DSCAML1: variants seen among roughly 807,000 people sequenced by gnomAD.
DSCAML1 encodes the protein DS cell adhesion molecule like 1.
In DSCAML1, 38 loss-of-function variants were observed where a neutral mutation model predicts 200.5. That is an observed-to-expected ratio of 0.19 (90% CI 0.15 to 0.25). The LOEUF is 0.25. Ranked by LOEUF, DSCAML1 falls within the 10% of genes least tolerant of loss-of-function variation. The pLI, the probability that DSCAML1 is intolerant of heterozygous loss-of-function variation, is 1.00. For synonymous variants in DSCAML1, 1,215 were observed against 1,165.0 expected (o/e 1.04, Z -0.87); for missense variants, 2,223 against 2,858.8 (o/e 0.78, Z 5.07).
chr11:117,777,068 C>A, intron 2 of DSCAML1, 131 bp from the exon 3 acceptor site: 1 of 984,846 alleles, frequency 1.0e-6, no homozygotes, highest in Non-Finnish European at 1.5e-6. Context: ...TTCCTTCCCC[C>A]ATCCTGCTTA....
intron 3 of DSCAML1, among the ~76,000 whole-genome samples, chr11:117,620,892 A>C (rs1405887034): frequency 6.6e-6 from 1 of 152,226 alleles, no homozygotes; most frequent in Non-Finnish European, 1.5e-5. Context: ...ACTGTGTAGA[A>C]AAATTGTGAG....
rs913048186 is a variant in DSCAML1, at chr11:117,698,925, C to T, written c.511+77866G>A. ...TGCCCCATCCAACTAGTTTTGCCAA[C>T]GCACATGACACTTACGCACAACACC... On this transcript the variant is annotated intron_variant, in intron 3 of 32. Coordinates refer to ENST00000651296, the MANE Select transcript of DSCAML1 (RefSeq NM_020693.4). 4.6e-5 allele frequency among the ~76,000 whole-genome samples: 7 copies of T among 152,326 alleles called. No individual in the cohort carries two copies. In the East Asian group the frequency reaches 5.8e-4, roughly 13 times the overall value.
chr11:117,508,871 A>C (rs932657842), intron 8 of DSCAML1, among the ~76,000 whole-genome samples: 1 of 152,168 alleles, frequency 6.6e-6, no homozygotes, highest in Non-Finnish European at 1.5e-5. Flanking sequence ...GGATAGAGAC[A>C]TAGTGAAATC....
chr11:117,609,041 A>C (rs1019331322), intron 3 of DSCAML1, among the ~76,000 whole-genome samples: 83 of 151,312 alleles, frequency 5.5e-4, no homozygotes, highest in African/African-American at 1.9e-3. Flanking sequence ...CAAACAAAAA[A>C]AACAAAAATT....
At chr11:117,610,849 C>CT (rs1332909497) in intron 3 of DSCAML1, among the ~76,000 whole-genome samples, 3 of 148,496 alleles carry the variant, frequency 2.0e-5, no homozygotes, top group African/African-American at 2.5e-5. Flanking sequence ...AACCCCCCCC[C>CT]CCCACAATGT....
Position 117,428,258 on chromosome 11 carries a change from A to G in DSCAML1, c.*70T>C, listed in dbSNP as rs2047700046. 1 of 914,314 alleles carries G rather than the reference A, an allele frequency of 1.1e-6. No homozygotes were observed. The highest frequency in any genetic ancestry group is 3.0e-4 in the Middle Eastern group (1 of 3,300). 56.6% of individuals were successfully genotyped at this position (914,314 alleles called of 1,614,324 possible). A position where few individuals can be genotyped will look rare whatever the true frequency, so the allele number is the denominator to read the frequency against. ...GTCAGTTGAATATAAATAATGCAGA[A>G]AAACAGCCGAGCTGGCGTGTGGGGC... is the stretch of plus-strand genomic sequence containing the variant. On this transcript the variant is annotated 3_prime_UTR_variant, in exon 33 of 33. Coordinates refer to ENST00000651296, the MANE Select transcript of DSCAML1 (RefSeq NM_020693.4).
At chr11:117,804,485 T>C (rs1692498178) in intron 1 of DSCAML1, among the ~76,000 whole-genome samples, 1 of 152,206 alleles carries the variant, frequency 6.6e-6, no homozygotes, top group Non-Finnish European at 1.5e-5. Flanking sequence ...ATGTGCCCAA[T>C]CTGGACAAAA....
chr11:117,644,154 C>T (rs368152501), intron 3 of DSCAML1, among the ~76,000 whole-genome samples: 1 of 152,208 alleles, frequency 6.6e-6, no homozygotes, highest in Non-Finnish European at 1.5e-5. Flanking sequence ...CCCCTTGACT[C>T]GGGCGCTTCC....
intron 11 of DSCAML1, among the ~76,000 whole-genome samples, chr11:117,492,442 T>TCTG: frequency 9.9e-5 from 15 of 152,182 alleles, no homozygotes; most frequent in African/African-American, 3.4e-4. Context: ...GGACAGCAGG[T>TCTG]ACCCTGAAGC....
At chr11:117,591,668 C>T (rs1050895718) in intron 3 of DSCAML1, among the ~76,000 whole-genome samples, 6 of 152,168 alleles carry the variant, frequency 3.9e-5, no homozygotes, top group African/African-American at 9.7e-5. Flanking sequence ...TAAATTATCC[C>T]GGCGCTCTGA....
In DSCAML1 at chr11:117,559,626, C is replaced by G. The variant is rs187700289; in HGVS notation, c.512-27104G>C. Among the ~76,000 whole-genome samples, 532 of 152,240 alleles carry G rather than the reference C, an allele frequency of 3.5e-3. 10 individuals carry two copies. Among genetic ancestry groups the G allele is most frequent in the Non-Finnish European group, 5.4e-4 (37 of 68,024 alleles). ...CCCGCAATACGTGCCTTTTATCCCC[C>G]CTCTCGTTGCAAATCTCAGCATCAG... On this transcript the variant is annotated intron_variant, in intron 3 of 32. Transcript: ENST00000651296.
intron 3 of DSCAML1, among the ~76,000 whole-genome samples, chr11:117,633,247 G>C (rs998326960): frequency 1.3e-5 from 2 of 152,178 alleles, no homozygotes; most frequent in Non-Finnish European, 2.9e-5. Flanking sequence ...CTCTCTGTGG[G>C]AACCTGGGCA....
intron 3 of DSCAML1, among the ~76,000 whole-genome samples, chr11:117,705,492 T>C (rs1184305428): frequency 1.3e-5 from 2 of 152,200 alleles, no homozygotes; most frequent in Non-Finnish European, 2.9e-5. Context: ...ACACATTCTG[T>C]ACAGTAGATA....
chr11:117,605,174 G>A (rs1027416918), intron 3 of DSCAML1, among the ~76,000 whole-genome samples: 9 of 152,070 alleles, frequency 5.9e-5, no homozygotes, highest in Admixed American at 5.2e-4. Context: ...GACTACAGGT[G>A]CACGCCACCA....
At chr11:117,728,729 A>G (rs1053016531) in intron 3 of DSCAML1, among the ~76,000 whole-genome samples, 6 of 152,214 alleles carry the variant, frequency 3.9e-5, no homozygotes, top group Non-Finnish European at 5.9e-5. Context: ...AATAATTTTA[A>G]GAAAAATGTG....
At chr11:117,677,038 CT>C (rs906334548) in intron 3 of DSCAML1, among the ~76,000 whole-genome samples, 3 of 152,186 alleles carry the variant, frequency 2.0e-5, no homozygotes, top group African/African-American at 7.2e-5. Flanking sequence ...TTTCATCTTG[CT>C]GGGTGGTGGT....
rs368325050 is a variant in DSCAML1 at position 117,664,893 on chromosome 11, C to T, written c.511+111898G>A. 3.1e-4 allele frequency among the ~76,000 whole-genome samples: 47 copies of T among 152,294 alleles called. No homozygotes were observed. In the East Asian group the frequency reaches 5.6e-3, roughly 18 times the overall value. On this transcript the variant is annotated intron_variant, in intron 3 of 32. Transcript: ENST00000651296. ...GCAGCTACCTTGTCCCTTTCACGGCCGCGTGTCTGCTGGGCACCTTCAGAA... is the reference window on the plus strand; with the variant it reads ...GCAGCTACCTTGTCCCTTTCACGGCTGCGTGTCTGCTGGGCACCTTCAGAA...
intron 3 of DSCAML1, among the ~76,000 whole-genome samples, chr11:117,733,328 G>A (rs1259876902): frequency 5.3e-5 from 8 of 152,294 alleles, no homozygotes; most frequent in South Asian, 2.1e-4. Context: ...GTCTGGTAGC[G>A]CACTGCCTCC....
chr11:117,704,997 C>T (rs750258354), intron 3 of DSCAML1, among the ~76,000 whole-genome samples: 1 of 152,022 alleles, frequency 6.6e-6, no homozygotes, highest in South Asian at 2.1e-4. Context: ...GTGTGCGCCC[C>T]GGATGTGTGT....
Sources: gnomAD v4.1 joint callset for allele counts (sites outside exome capture counted in the v4.1 genomes callset) on GRCh38, gnomAD v4.1.1 for gene constraint, MANE v1.5 for transcripts, NCBI Gene and HGNC (gene_info 2026-07-23, HGNC 2026-07-21) for gene names.